The following DYM variants were observed in gnomAD, a reference collection of about 807,000 sequenced individuals.
DYM encodes dymeclin, also known as dyggve-Melchior-Clausen syndrome protein.
In DYM, 78 loss-of-function variants were observed where a neutral mutation model predicts 93.1. The observed-to-expected ratio is 0.84, with a 90% CI of 0.70 to 1.01. The LOEUF is 1.01. DYM is among the 50% of genes least tolerant of loss of function. The probability of loss-of-function intolerance (pLI) is 0.00; values close to 1 mark genes in which losing one functional copy is unlikely to be tolerated. For missense variants in DYM, 789 were observed against 845.0 expected (o/e 0.93, Z 0.82); for synonymous variants, 321 against 319.7 (o/e 1.00, Z -0.04).
At chr18:49,130,792 T>C (rs2083309695) in intron 15 of DYM, among the ~76,000 whole-genome samples, 1 of 152,104 alleles carries the variant, frequency 6.6e-6, no homozygotes, top group Non-Finnish European at 1.5e-5. Flanking sequence ...CAGGTTACCA[T>C]TTAGGGGAGA....
At chr18:49,145,472 A>C (rs1463860574) in intron 15 of DYM, among the ~76,000 whole-genome samples, 3 of 152,152 alleles carry the variant, frequency 2.0e-5, no homozygotes, top group African/African-American at 7.2e-5. Flanking sequence ...AGTTACATCA[A>C]AGAACAAAAA....
rs554086474 is a variant in DYM at position 49,235,293 on chromosome 18, A to C, written c.1460+21717T>G. ...TGGACTTTACCTGGAGATAGAGGAA[A>C]TTATTTCTTCTTTAAGATACTCAGA... On this transcript the variant is annotated intron_variant, in intron 13 of 17. Transcript: ENST00000675505. Among the ~76,000 whole-genome samples, 10 of 152,312 alleles carry C rather than the reference A, an allele frequency of 6.6e-5. No individual in the cohort carries two copies. The South Asian group carries it at 1.7e-3, about 25-fold the overall frequency.
At chr18:49,337,925 A>AAAAT (rs1292489172) in intron 6 of DYM, among the ~76,000 whole-genome samples, 2 of 152,202 alleles carry the variant, frequency 1.3e-5, no homozygotes, top group Non-Finnish European at 2.9e-5. Context: ...GTTTTGAAGG[A>AAAAT]AAATAAGAAA....
intron 15 of DYM, among the ~76,000 whole-genome samples, chr18:49,146,739 A>G (rs2085185994): frequency 6.6e-6 from 1 of 152,272 alleles, no homozygotes; most frequent in African/African-American, 2.4e-5. Context: ...ATGGGTAGGA[A>G]GAATCAATAT....
At chr18:49,419,884 A>G (rs2073443425) in intron 2 of DYM, among the ~76,000 whole-genome samples, 1 of 152,216 alleles carries the variant, frequency 6.6e-6, no homozygotes, top group Admixed American at 6.5e-5. Flanking sequence ...GAAAAGAAAA[A>G]TTATTTTGGA....
At chr18:49,098,442 A>G (rs1002745524) in intron 16 of DYM, among the ~76,000 whole-genome samples, 6 of 152,304 alleles carry the variant, frequency 3.9e-5, no homozygotes, top group South Asian at 2.1e-4. Context: ...TGTCTTATCC[A>G]TTCTAGTGGA....
intron 5 of DYM, among the ~76,000 whole-genome samples, chr18:49,364,733 G>T (rs1439056038): frequency 6.6e-6 from 1 of 152,036 alleles, no homozygotes; most frequent in Non-Finnish European, 1.5e-5. Flanking sequence ...CTCCAGTACT[G>T]CAGTGTATAT....
At chr18:49,274,834 C>T (rs189813418) in intron 10 of DYM, among the ~76,000 whole-genome samples, 2 of 152,072 alleles carry the variant, frequency 1.3e-5, no homozygotes, top group Admixed American at 6.6e-5. Flanking sequence ...ATTGGGTTGT[C>T]CTTCTACTAT....
chr18:49,078,503 T>C (rs2077509231), intron 17 of DYM, among the ~76,000 whole-genome samples: 1 of 152,162 alleles, frequency 6.6e-6, no homozygotes, highest in African/African-American at 2.4e-5. Context: ...TACATCTACA[T>C]AGATTATAAA....
intron 15 of DYM, among the ~76,000 whole-genome samples, chr18:49,137,709 C>T (rs2084005672): frequency 6.6e-6 from 1 of 152,110 alleles, no homozygotes; most frequent in Non-Finnish European, 1.5e-5. Flanking sequence ...AAAAGCAAAC[C>T]ATACTTTCCC....
intron 6 of DYM, among the ~76,000 whole-genome samples, chr18:49,347,724 T>A (rs1440475651): frequency 6.6e-6 from 1 of 152,180 alleles, no homozygotes; most frequent in African/African-American, 2.4e-5. Flanking sequence ...AAAAATATAT[T>A]AATTTGGCTA....
intron 2 of DYM, among the ~76,000 whole-genome samples, chr18:49,399,233 G>A (rs933856078): frequency 3.3e-5 from 5 of 152,122 alleles, no homozygotes; most frequent in African/African-American, 1.2e-4. Flanking sequence ...TACCATAGAA[G>A]GAATCAAAGA....
At position 49,087,991 on chromosome 18, in the gene DYM, G is replaced by A. The variant is rs2078701510; in HGVS notation, c.2025+9411C>T. 2.6e-5 allele frequency among the ~76,000 whole-genome samples: 4 copies of A among 152,116 alleles called. No homozygotes were observed. The South Asian group carries it at 8.3e-4, about 32-fold the overall frequency. On this transcript the variant is annotated intron_variant, in intron 17 of 17. Coordinates refer to ENST00000675505, the MANE Select transcript of DYM (RefSeq NM_001353214.3). ...GTTTTTTTCTTGTAAATTTGTTTGA[G>A]TTCTTTGTAGATTCTGTATATTAGC...
rs561889352 is a variant in DYM at position 49,313,546 on chromosome 18, A to G, written c.763+18318T>C. Among the ~76,000 whole-genome samples the G allele has an allele frequency of 1.7e-4, 26 of 149,356 alleles. No homozygotes were observed. In the South Asian group the frequency reaches 4.9e-3, roughly 28 times the overall value. Reference sequence around the variant, plus strand: ...AAAACCTGTCAAGACATCACCCTATATGGTCTAAAAAGAGGCATGAATAAT... The same window carrying G: ...AAAACCTGTCAAGACATCACCCTATGTGGTCTAAAAAGAGGCATGAATAAT... On this transcript the variant is annotated intron_variant, in intron 8 of 17. Coordinates refer to ENST00000675505, the MANE Select transcript of DYM (RefSeq NM_001353214.3).
At chr18:49,311,636 C>G (rs1163176049) in intron 8 of DYM, among the ~76,000 whole-genome samples, 1 of 149,576 alleles carries the variant, frequency 6.7e-6, no homozygotes, top group Non-Finnish European at 1.5e-5. Flanking sequence ...GACAGAAAAC[C>G]AAACACCACA....
chr18:49,322,169 C>T (rs942463866), intron 8 of DYM, among the ~76,000 whole-genome samples: 2 of 151,978 alleles, frequency 1.3e-5, no homozygotes, highest in Admixed American at 1.3e-4. Flanking sequence ...ACTCCTTTGG[C>T]CTTATAATTT....
chr18:49,171,798 C>A (rs2088772080), intron 14 of DYM, among the ~76,000 whole-genome samples: 1 of 152,162 alleles, frequency 6.6e-6, no homozygotes, highest in East Asian at 1.9e-4. Context: ...TGCTTCTGAA[C>A]CACTGGTGGT....
chr18:49,211,315 G>A (rs2092772899), intron 13 of DYM, among the ~76,000 whole-genome samples: 1 of 152,124 alleles, frequency 6.6e-6, no homozygotes, highest in Non-Finnish European at 1.5e-5. Context: ...TATTGTCAGA[G>A]TAATTTCACT....
chr18:49,425,058 A>G (rs1425460717), intron 2 of DYM, among the ~76,000 whole-genome samples: 1 of 152,068 alleles, frequency 6.6e-6, no homozygotes, highest in Non-Finnish European at 1.5e-5. Flanking sequence ...AAGTTCATGT[A>G]GAATCAAAAA....
Sources: gnomAD v4.1 joint callset for allele counts (sites outside exome capture counted in the v4.1 genomes callset) on GRCh38, gnomAD v4.1.1 for gene constraint, MANE v1.5 for transcripts, NCBI Gene and HGNC (gene_info 2026-07-23, HGNC 2026-07-21) for gene names.